The following PLCH1 variants were observed in gnomAD, a reference collection of about 807,000 sequenced individuals.
The protein encoded by PLCH1 is phospholipase C eta 1, also known as 1-phosphatidylinositol 4,5-bisphosphate phosphodiesterase eta-1.
A neutral mutation model predicts 126.7 loss-of-function variants in PLCH1; 60 were observed. That is an observed-to-expected ratio of 0.47 (90% CI 0.38 to 0.59). The LOEUF (loss-of-function observed/expected upper bound fraction) is 0.59. PLCH1 is among the 20% of genes least tolerant of loss of function. The pLI, the probability that PLCH1 is intolerant of heterozygous loss-of-function variation, is 0.00. For synonymous variants in PLCH1, 719 were observed against 734.9 expected, an observed-to-expected ratio of 0.98 and a Z score of 0.35; for missense variants, 1,723 against 2,040.0, an observed-to-expected ratio of 0.84 and a Z score of 2.99.
chr3:155,549,569 A>G (rs948664116), intron 10 of PLCH1, among the ~76,000 whole-genome samples: 3 of 152,186 alleles, frequency 2.0e-5, no homozygotes, highest in African/African-American at 7.2e-5. Context: ...TTTCCACTTC[A>G]TAAGTACAAA....
At chr3:155,650,970 G>A (rs71310442) in intron 2 of PLCH1, among the ~76,000 whole-genome samples, 11,107 of 152,110 alleles carry the variant, frequency 0.073, 444 homozygotes, top group Middle Eastern at 0.11. Flanking sequence ...TCTGGAAGGC[G>A]GAGGTTGCAG....
chr3:155,744,083 G>C (rs900462408), intron 1 of PLCH1, among the ~76,000 whole-genome samples: 12 of 151,940 alleles, frequency 7.9e-5, no homozygotes, highest in African/African-American at 2.2e-4. Context: ...AAATTGATTC[G>C]CAGAAGGAAA....
chr3:155,546,185 C>T (rs1410338210), intron 10 of PLCH1, among the ~76,000 whole-genome samples: 2 of 152,160 alleles, frequency 1.3e-5, no homozygotes, highest in African/African-American at 4.8e-5. Flanking sequence ...GCAACTTCAG[C>T]AAAGTCTCAG....
intron 10 of PLCH1, among the ~76,000 whole-genome samples, chr3:155,525,706 A>G (rs1721807235): frequency 6.6e-6 from 1 of 152,040 alleles, no homozygotes; most frequent in South Asian, 2.1e-4. Context: ...GGACCAGGCC[A>G]CTCTTGACTT....
chr3:155,620,816 G>C (rs10936011), intron 2 of PLCH1, among the ~76,000 whole-genome samples: 43,137 of 150,514 alleles, frequency 0.29, 6,599 homozygotes, highest in East Asian at 0.44. Context: ...CTGGGGGAAG[G>C]GGCAGCTGTG....
intron 1 of PLCH1, among the ~76,000 whole-genome samples, chr3:155,710,020 C>T (rs1746976971): frequency 6.6e-6 from 1 of 152,188 alleles, no homozygotes; most frequent in African/African-American, 2.4e-5. Context: ...CGCAGTCTCA[C>T]TCCGTCACCC....
At chr3:155,475,125 A>G (rs1475219662), downstream of PLCH1, among the ~76,000 whole-genome samples, 1 of 151,964 alleles carries the variant, frequency 6.6e-6, no homozygotes, top group Non-Finnish European at 1.5e-5. Context: ...ATCTTCTCTG[A>G]GCACAATGCA....
chr3:155,525,011 C>T (rs1576908116), intron 10 of PLCH1, among the ~76,000 whole-genome samples: 1 of 151,858 alleles, frequency 6.6e-6, no homozygotes, highest in Non-Finnish European at 1.5e-5. Context: ...AGTGAGAATC[C>T]CCCTCCACCA....
Position 155,483,047 on chromosome 3 carries a change from T to G in PLCH1, c.2979A>C (p.Glu993Asp). The change falls in exon 23 of 23, where the codon GAA (glutamate) becomes GAC (aspartate). Residue 993 changes from glutamate (E) to aspartate (D), a missense_variant. Physicochemically the swap from Glu to Asp is conservative, Grantham distance 45. This residue lies in a region of PLCH1 where 947 missense variants were observed against 977.1 expected (regional missense o/e 0.97). Transcript: ENST00000460012. ...DIEGKENSLAEDKDGRRKGKA... is the reference protein window; with the variant it reads ...DIEGKENSLADDKDGRRKGKA... ...TCCCTTTTCTTCTGCCATCTTTATC[T>G]TCTGCTGAAGGAGACAAACAATATT... is the stretch of plus-strand genomic sequence containing the variant. 4 of 1,612,320 alleles carry G rather than the reference T, an allele frequency of 2.5e-6. No individual in the cohort carries two copies. The highest frequency in any genetic ancestry group is 3.4e-6 in the Non-Finnish European group (4 of 1,179,246).
chr3:155,642,767 T>A (rs1201776868), intron 2 of PLCH1, among the ~76,000 whole-genome samples: 1 of 152,224 alleles, frequency 6.6e-6, no homozygotes, highest in African/African-American at 2.4e-5. Flanking sequence ...TCTCTTTGCA[T>A]GTGAATGTTT....
chr3:155,731,775 G>C (rs1356402142), intron 1 of PLCH1, among the ~76,000 whole-genome samples: 4 of 152,180 alleles, frequency 2.6e-5, no homozygotes, highest in African/African-American at 9.6e-5. Flanking sequence ...TTGAATTCAG[G>C]AGTTCAAGAG....
rs1178371316 is a variant in PLCH1 at position 155,583,595 on chromosome 3, G to A, written c.648C>T (p.Phe216=). The A allele has an allele frequency of 4.4e-6, 7 of 1,599,688 alleles. No individual in the cohort carries two copies. Among genetic ancestry groups the A allele is most frequent in the Admixed American group, 1.8e-5 (1 of 55,812 alleles). ...ENQGTLTFEE[F]CVFYKMMSLR... ...AAGACATCATTTTGTAAAAAACACA[G>A]AACTCTTCAAATGTCAAAGTTCCCT... The change falls in exon 6 of 23, where the codon TTC becomes TTT. Residue 216 remains phenylalanine, a synonymous_variant. Coordinates refer to ENST00000460012, the MANE Select transcript of PLCH1 (RefSeq NM_014996.4).
chr3:155,606,661 T>G (rs1403106527), intron 2 of PLCH1, among the ~76,000 whole-genome samples: 1 of 152,138 alleles, frequency 6.6e-6, no homozygotes, highest in African/African-American at 2.4e-5. Context: ...CACATTTAGA[T>G]AAGAAAAACA....
At chr3:155,678,206 C>G (rs7637459) in intron 2 of PLCH1, among the ~76,000 whole-genome samples, 26,188 of 152,148 alleles carry the variant, frequency 0.17, 2,873 homozygotes, top group African/African-American at 0.31. Flanking sequence ...TTTCATCCCT[C>G]TCACCTCTTG....
intron 15 of PLCH1, among the ~76,000 whole-genome samples, chr3:155,496,410 G>A (rs1717041290): frequency 6.6e-6 from 1 of 152,022 alleles, no homozygotes; most frequent in Admixed American, 6.6e-5. Context: ...TCTCACATGT[G>A]AAATTCATTT....
intron 22 of PLCH1, among the ~76,000 whole-genome samples, chr3:155,483,985 C>T (rs916373633): frequency 6.6e-6 from 1 of 151,924 alleles, no homozygotes; most frequent in African/African-American, 2.4e-5. Flanking sequence ...TTGAAAACCT[C>T]AAAAAATTAT....
chr3:155,593,230 T>C (rs72996995), intron 4 of PLCH1, among the ~76,000 whole-genome samples: 1,903 of 152,252 alleles, frequency 0.012, 44 homozygotes, highest in African/African-American at 0.043. Flanking sequence ...ATAAGGAAAC[T>C]GAGGCCAGAA....
At chr3:155,729,943 A>C in intron 1 of PLCH1, among the ~76,000 whole-genome samples, 1 of 151,912 alleles carries the variant, frequency 6.6e-6, no homozygotes, top group East Asian at 1.9e-4. Flanking sequence ...AAAAAAAAGA[A>C]TGCTTAACCA....
chr3:155,461,207 A>AAT (rs1477834949), intron 21 of PLCH1, among the ~76,000 whole-genome samples: 1 of 152,220 alleles, frequency 6.6e-6, no homozygotes, highest in Non-Finnish European at 1.5e-5. Flanking sequence ...TAATAAAGAG[A>AAT]ATAGATCAAT....
Sources: allele counts gnomAD v4.1 joint callset (sites outside exome capture counted in the v4.1 genomes callset), GRCh38; gene constraint gnomAD v4.1.1; regional missense constraint gnomAD v4.1.1; transcripts MANE v1.5; gene names NCBI Gene and HGNC (gene_info 2026-07-23, HGNC 2026-07-21).